The following CNTNAP2 variants were observed in gnomAD, a reference collection of about 807,000 sequenced individuals.
CNTNAP2 encodes the protein contactin-associated protein-like 2.
Under a neutral mutation model 155.2 loss-of-function variants are expected in CNTNAP2, and 98 were observed. The ratio of observed to expected loss-of-function variants is 0.63; its 90% CI spans 0.54 to 0.75. The LOEUF (loss-of-function observed/expected upper bound fraction) is 0.75, where lower values mean the gene tolerates loss of function less well. Among genes scored for constraint, CNTNAP2 ranks in the 30% least tolerant of loss-of-function variants. The pLI is 0.00. For synonymous variants in CNTNAP2, 651 were observed against 631.2 expected (o/e 1.03, Z -0.47); for missense variants, 1,727 against 1,688.1 (o/e 1.02, Z -0.40).
chr7:147,847,948 G>T (rs1798839942), intron 13 of CNTNAP2, among the ~76,000 whole-genome samples: 1 of 132,938 alleles, frequency 7.5e-6, no homozygotes, highest in African/African-American at 2.8e-5. Context: ...GAGGCAGTCT[G>T]CCCGTTCTCA....
intron 1 of CNTNAP2, among the ~76,000 whole-genome samples, chr7:146,331,003 G>T (rs945891216): frequency 6.6e-6 from 1 of 152,202 alleles, no homozygotes; most frequent in African/African-American, 2.4e-5. Context: ...AGAAGGTGTT[G>T]TTCAATAACC....
chr7:146,381,222 C>A (rs940378016), intron 1 of CNTNAP2, among the ~76,000 whole-genome samples: 1 of 152,088 alleles, frequency 6.6e-6, no homozygotes. Flanking sequence ...TTGGGACATG[C>A]TTTTTTAATC....
intron 8 of CNTNAP2, among the ~76,000 whole-genome samples, chr7:147,180,008 G>A (rs1301664696): frequency 6.6e-6 from 1 of 152,120 alleles, no homozygotes; most frequent in Admixed American, 6.5e-5. Flanking sequence ...CAGGACCTGA[G>A]AAGCCAAACT....
chr7:147,368,962 A>G (rs1367061616), intron 9 of CNTNAP2, among the ~76,000 whole-genome samples: 2 of 152,222 alleles, frequency 1.3e-5, no homozygotes, highest in Non-Finnish European at 2.9e-5. Context: ...ATTAAAATGC[A>G]AAACTTGTGG....
At chr7:147,658,664 G>A (rs1795567703) in intron 13 of CNTNAP2, among the ~76,000 whole-genome samples, 1 of 152,170 alleles carries the variant, frequency 6.6e-6, no homozygotes, top group South Asian at 2.1e-4. Flanking sequence ...GCTTGGAATT[G>A]GAACAAGAGG....
At chr7:146,133,595 G>T (rs1219860288) in intron 1 of CNTNAP2, among the ~76,000 whole-genome samples, 1 of 152,070 alleles carries the variant, frequency 6.6e-6, no homozygotes, top group Non-Finnish European at 1.5e-5. Context: ...TTTGTATAAG[G>T]TGTAAGGAAG....
At chr7:147,614,765 A>G (rs1801249800) in intron 12 of CNTNAP2, among the ~76,000 whole-genome samples, 1 of 96,290 alleles carries the variant, frequency 1.0e-5, no homozygotes, top group African/African-American at 4.5e-5. Context: ...TATTATAATG[A>G]AGTTCTTTTA....
chr7:147,693,199 TA>T (rs1796115171), intron 13 of CNTNAP2, among the ~76,000 whole-genome samples: 1 of 152,124 alleles, frequency 6.6e-6, no homozygotes, highest in South Asian at 2.1e-4. Context: ...TCTGTTCAGC[TA>T]ATCTATTTGT....
chr7:146,308,985 T>G (rs184249042), intron 1 of CNTNAP2, among the ~76,000 whole-genome samples: 1 of 151,922 alleles, frequency 6.6e-6, no homozygotes. Context: ...ATAATAATAA[T>G]AAAGAAAGAA....
chr7:148,273,698 G>A (rs991297863), intron 21 of CNTNAP2, among the ~76,000 whole-genome samples: 10 of 152,158 alleles, frequency 6.6e-5, no homozygotes, highest in African/African-American at 1.9e-4. Context: ...TGTCAGTGGC[G>A]ATGTCTGGGG....
Position 147,860,288 on chromosome 7 carries a change from G to A in CNTNAP2, c.2099-43277G>A, listed in dbSNP as rs575076239. On this transcript the variant is annotated intron_variant, in intron 13 of 23. Coordinates refer to ENST00000361727, the MANE Select transcript of CNTNAP2 (RefSeq NM_014141.6). ...AAAAATACAAAAATTAGCTGGGCAC[G>A]GTGGTCTGCGCCTGTAATCCCAGTG... Among the ~76,000 whole-genome samples, 13 of 152,230 alleles carry A rather than the reference G, an allele frequency of 8.5e-5. No homozygotes were observed. In the East Asian group the frequency reaches 1.4e-3, roughly 16 times the overall value.
chr7:148,116,331 G>A (rs1804470598), intron 15 of CNTNAP2, among the ~76,000 whole-genome samples: 1 of 152,118 alleles, frequency 6.6e-6, no homozygotes, highest in Non-Finnish European at 1.5e-5. Flanking sequence ...AGGGAAGCAA[G>A]CCAAATCCTC....
chr7:148,215,896 G>A (rs934186058), intron 18 of CNTNAP2, among the ~76,000 whole-genome samples: 1 of 152,140 alleles, frequency 6.6e-6, no homozygotes, highest in Non-Finnish European at 1.5e-5. Flanking sequence ...ATTCCCAGTT[G>A]GAAGACTCCT....
chr7:146,778,739 C>A (rs1802433216), intron 2 of CNTNAP2, among the ~76,000 whole-genome samples: 1 of 152,204 alleles, frequency 6.6e-6, no homozygotes, highest in Non-Finnish European at 1.5e-5. Flanking sequence ...TTCATAACAA[C>A]CTGGTTAGAA....
At chr7:147,420,368 G>A (rs1228283616) in intron 10 of CNTNAP2, among the ~76,000 whole-genome samples, 1 of 152,172 alleles carries the variant, frequency 6.6e-6, no homozygotes, top group Admixed American at 6.5e-5. Flanking sequence ...TGACATTAAA[G>A]TTAATTATTT....
At chr7:148,039,231 C>T (rs575754703) in intron 15 of CNTNAP2, among the ~76,000 whole-genome samples, 9 of 152,268 alleles carry the variant, frequency 5.9e-5, no homozygotes, top group Admixed American at 3.9e-4. Context: ...TATGCAAGTT[C>T]AAGTCCAAAG....
intron 1 of CNTNAP2, among the ~76,000 whole-genome samples, chr7:146,514,304 G>A (rs1295478681): frequency 2.0e-5 from 3 of 151,836 alleles, no homozygotes; most frequent in African/African-American, 4.8e-5. Context: ...CTTTATTTCT[G>A]TGAATACTCT....
At chr7:146,395,598 C>T (rs756816385) in intron 1 of CNTNAP2, among the ~76,000 whole-genome samples, 43 of 152,176 alleles carry the variant, frequency 2.8e-4, no homozygotes, top group Non-Finnish European at 5.6e-4. Flanking sequence ...AAATCATGTG[C>T]TTACCTTCAG....
At chr7:148,315,525 A>G (rs1246145440) in intron 21 of CNTNAP2, among the ~76,000 whole-genome samples, 1 of 152,168 alleles carries the variant, frequency 6.6e-6, no homozygotes, top group Non-Finnish European at 1.5e-5. Flanking sequence ...TTGTAGTGGA[A>G]TGTCATGAGT....
Sources: allele counts gnomAD v4.1 joint callset (sites outside exome capture counted in the v4.1 genomes callset), GRCh38; gene constraint gnomAD v4.1.1; transcripts MANE v1.5; gene names NCBI Gene and HGNC (gene_info 2026-07-23, HGNC 2026-07-21).